The following PTPDC1 variants were observed in gnomAD, a reference collection of about 807,000 sequenced individuals.
The protein encoded by PTPDC1 is protein tyrosine phosphatase domain-containing protein 1.
A neutral mutation model predicts 75.3 loss-of-function variants in PTPDC1; 53 were observed. That is an observed-to-expected ratio of 0.70 (90% CI 0.56 to 0.88). PTPDC1 has a LOEUF of 0.88. Among genes scored for constraint, PTPDC1 ranks in the 40% least tolerant of loss-of-function variants. PTPDC1 has a pLI of 0.00. For synonymous variants in PTPDC1, 349 were observed against 366.2 expected, an observed-to-expected ratio of 0.95 and a Z score of 0.54; for missense variants, 925 against 998.6, an observed-to-expected ratio of 0.93 and a Z score of 0.99.
chr9:94,057,194 T>C (rs1825968198), intron 1 of PTPDC1, among the ~76,000 whole-genome samples: 1 of 152,154 alleles, frequency 6.6e-6, no homozygotes, highest in South Asian at 2.1e-4. Context: ...TCCTCCCACC[T>C]CAGCCTCCCA....
intron 6 of PTPDC1, 50 bp from the exon 7 acceptor site, chr9:94,101,516 C>T (rs1039613144): frequency 6.9e-7 from 1 of 1,448,170 alleles, no homozygotes; most frequent in Non-Finnish European, 9.6e-7. Context: ...CCTCCCTCTC[C>T]TCTCCCTGTC....
intron 2 of PTPDC1, among the ~76,000 whole-genome samples, chr9:94,079,164 A>T (rs879457873): frequency 6.6e-6 from 1 of 152,162 alleles, no homozygotes; most frequent in African/African-American, 2.4e-5. Context: ...CTATTTGATC[A>T]GAGACTTGAC....
In PTPDC1 at chr9:94,068,217, C is replaced by T. The variant is rs570384877; in HGVS notation, c.82+3396C>T. ...ACTTACAGTAAAGGTACAAGAAAAG[C>T]ACACAAAAGAACTCCTACATTCTGT... is the stretch of plus-strand genomic sequence containing the variant. On this transcript the variant is annotated intron_variant, in intron 2 of 9. Transcript: ENST00000375360. Among the ~76,000 whole-genome samples, 58 of 152,176 alleles carry T rather than the reference C, an allele frequency of 3.8e-4. No individual in the cohort carries two copies. The South Asian group carries it at 0.012, about 30-fold the overall frequency.
chr9:94,043,714 C>T (rs1295666690), intron 1 of PTPDC1, among the ~76,000 whole-genome samples: 1 of 152,108 alleles, frequency 6.6e-6, no homozygotes, highest in Non-Finnish European at 1.5e-5. Context: ...GAGTGAGACC[C>T]TGTCTCAAAA....
In PTPDC1 at chr9:94,097,540, G is replaced by A. The variant is rs763831937; in HGVS notation, c.974G>A (p.Arg325His). Reference sequence around the variant, plus strand: ...TTACCTCAATATCTAATTCGCCAGCGTCATCTGCTTCATGGTTATGAGGCA... The same window carrying A: ...TTACCTCAATATCTAATTCGCCAGCATCATCTGCTTCATGGTTATGAGGCA... ...VTLPQYLIRQ[R>H]HLLHGYEARL... The change falls in exon 6 of 9, where the codon CGT becomes CAT. Residue 325 changes from arginine to histidine, a missense_variant. Transcript: ENST00000620992. 24 of 1,613,936 alleles carry A rather than the reference G, an allele frequency of 1.5e-5. No individual in the cohort carries two copies. Among genetic ancestry groups the A allele is most frequent in the East Asian group, 1.3e-4 (6 of 44,892 alleles).
chr9:94,101,610 C>T lies in PTPDC1; in HGVS notation c.2058C>T (p.Gly686=), dbSNP rs377562907. ...SRDGAWERIC[G]ERDPFILCSL... ...ATGGAGCTTGGGAAAGAATATGTGG[C>T]GAGAGGGACCCTTTCATCCTATGCA... Residue 686 remains glycine (G), a synonymous_variant, in exon 7 of 9, where the codon GGC becomes GGT. Coordinates refer to ENST00000620992, the MANE Select transcript of PTPDC1 (RefSeq NM_001253829.2). 106 of 1,612,886 alleles carry T rather than the reference C, an allele frequency of 6.6e-5. No individual in the cohort carries two copies. Among genetic ancestry groups the T allele is most frequent in the African/African-American group, 2.8e-4 (21 of 74,802 alleles).
At chr9:94,102,087 T>C (rs997547782) in intron 7 of PTPDC1, among the ~76,000 whole-genome samples, 4 of 152,120 alleles carry the variant, frequency 2.6e-5, no homozygotes, top group Non-Finnish European at 5.9e-5. Flanking sequence ...CATAGCTATT[T>C]TCCTGTGAAT....
In PTPDC1 at chr9:94,046,126, G is replaced by C. The variant is rs373917965; in HGVS notation, c.-7+14999G>C. On this transcript the variant is annotated intron_variant, in intron 1 of 9. Coordinates refer to the PTPDC1 transcript ENST00000375360. ...AATCCTTTCCCCATTGCTTGTTTTT[G>C]TCAGGTTTGTCAAAGATCAGATAGT... Among the ~76,000 whole-genome samples the C allele has an allele frequency of 3.4e-4, 51 of 152,162 alleles. 1 individual carries two copies. The highest frequency in any genetic ancestry group is 1.2e-3 in the African/African-American group (50 of 41,516).
At chr9:94,057,133 C>T (rs372979677) in intron 1 of PTPDC1, among the ~76,000 whole-genome samples, 9 of 152,078 alleles carry the variant, frequency 5.9e-5, no homozygotes, top group African/African-American at 1.7e-4. Context: ...AGTGCAGTGA[C>T]GCGATTACAG....
intron 2 of PTPDC1, among the ~76,000 whole-genome samples, chr9:94,072,999 A>G (rs1354562213): frequency 1.3e-5 from 2 of 151,924 alleles, no homozygotes; most frequent in Non-Finnish European, 2.9e-5. Context: ...TACTCTCTTT[A>G]TCTGCTTTTG....
chr9:94,097,815 T>G lies in PTPDC1; in HGVS notation c.1249T>G (p.Phe417Val). Residue 417 changes from phenylalanine (F) to valine (V), a missense_variant, in exon 6 of 9, where the codon TTC becomes GTC. Transcript: ENST00000620992. ...AADFDNRGMI[F>V]SNEQQFDPLW... is the part of the protein sequence containing the mutation. ...AGATTTTGACAATCGAGGCATGATT[T>G]TCTCCAATGAGCAACAGTTTGACCC... The G allele has an allele frequency of 1.2e-6, 2 of 1,614,214 alleles. No homozygotes were observed. Among genetic ancestry groups the G allele is most frequent in the East Asian group, 2.2e-5 (1 of 44,882 alleles).
chr9:94,036,677 A>C (rs1587833690), intron 1 of PTPDC1, among the ~76,000 whole-genome samples: 1 of 152,142 alleles, frequency 6.6e-6, no homozygotes, highest in Non-Finnish European at 1.5e-5. Context: ...TCTCTGTTCT[A>C]TGTGGGATGA....
At position 94,098,244 on chromosome 9, in the gene PTPDC1, C is replaced by A; in HGVS notation, c.1678C>A (p.Pro560Thr). The A allele has an allele frequency of 6.2e-7, 1 of 1,614,186 alleles. No homozygotes were observed. The highest frequency in any genetic ancestry group is 8.5e-7 in the Non-Finnish European group (1 of 1,180,024). ...GSHSPGEPVSPSFANVHKDPN... is the reference protein window; with the variant it reads ...GSHSPGEPVSTSFANVHKDPN... ...ACACAGCCCTGGGGAGCCAGTTTCA[C>A]CCAGCTTTGCAAATGTCCATAAGGA... is the stretch of plus-strand genomic sequence containing the variant. Residue 560 changes from proline to threonine, a missense_variant, in exon 6 of 9, where the codon CCC (proline) becomes ACC (threonine). By Grantham distance (38) the Pro-to-Thr change is conservative. Transcript: ENST00000620992.
At position 94,098,144 on chromosome 9, in the gene PTPDC1, A is replaced by C; in HGVS notation, c.1578A>C (p.Ser526=). 1 of 1,614,252 alleles carries C rather than the reference A, an allele frequency of 6.2e-7. No individual in the cohort carries two copies. The highest frequency in any genetic ancestry group is 1.1e-5 in the South Asian group (1 of 91,088). The change falls in exon 6 of 9, where the codon TCA becomes TCC. Residue 526 remains serine (S), a synonymous_variant. Coordinates refer to ENST00000620992, the MANE Select transcript of PTPDC1 (RefSeq NM_001253829.2). ...GGLEGLKDNG[S]PIFHGRIIPK... is the part of the protein sequence containing the mutation. Reference sequence around the variant, plus strand: ...TGGAAGGACTCAAAGATAATGGGTCACCAATTTTCCATGGAAGGATCATTC... The same window carrying C: ...TGGAAGGACTCAAAGATAATGGGTCCCCAATTTTCCATGGAAGGATCATTC...
chr9:94,046,258 C>T (rs925150108), intron 1 of PTPDC1, among the ~76,000 whole-genome samples: 2 of 152,010 alleles, frequency 1.3e-5, no homozygotes, highest in African/African-American at 4.8e-5. Flanking sequence ...CCTTATAGTA[C>T]AGTTTGAAGT....
intron 1 of PTPDC1, among the ~76,000 whole-genome samples, chr9:94,033,815 T>TA (rs372649754): frequency 3.1e-4 from 47 of 152,024 alleles, no homozygotes; most frequent in Non-Finnish European, 5.4e-4. Flanking sequence ...AAAAAATTCA[T>TA]AAAAAAAATA....
chr9:94,077,028 GAT>G (rs1322453261), intron 2 of PTPDC1, among the ~76,000 whole-genome samples: 4 of 152,202 alleles, frequency 2.6e-5, no homozygotes, highest in Non-Finnish European at 4.4e-5. Context: ...AAATTATTGA[GAT>G]ATAAGTCACA....
chr9:94,047,189 T>A (rs1825630261), intron 1 of PTPDC1, among the ~76,000 whole-genome samples: 1 of 152,242 alleles, frequency 6.6e-6, no homozygotes, highest in South Asian at 2.1e-4. Context: ...ATCCCAGGGA[T>A]GAAGCCCACT....
At chr9:94,047,148 T>A (rs1333164123) in intron 1 of PTPDC1, among the ~76,000 whole-genome samples, 1 of 152,218 alleles carries the variant, frequency 6.6e-6, no homozygotes, top group East Asian at 1.9e-4. Context: ...GGATTACATT[T>A]ATTGATTTGT....
Sources: allele counts gnomAD v4.1 joint callset (sites outside exome capture counted in the v4.1 genomes callset), GRCh38; gene constraint gnomAD v4.1.1; transcripts MANE v1.5; gene names NCBI Gene and HGNC (gene_info 2026-07-23, HGNC 2026-07-21).